Variants in SFXN5 observed in about 807,000 individuals in gnomAD.
The protein encoded by SFXN5 is sideroflexin 5.
Under a neutral mutation model 50.2 loss-of-function variants are expected in SFXN5, and 43 were observed. That is an observed-to-expected ratio of 0.86 (90% CI 0.67 to 1.11). The LOEUF (loss-of-function observed/expected upper bound fraction) is 1.11. SFXN5 is among the 50% of genes least tolerant of loss of function. SFXN5 has a pLI of 0.00. For missense variants in SFXN5, 463 were observed against 454.1 expected (o/e 1.02, Z -0.18); for synonymous variants, 203 against 185.8 (o/e 1.09, Z -0.75).
At chr2:73,024,131 C>A (rs901269379) in intron 3 of SFXN5, among the ~76,000 whole-genome samples, 3 of 151,478 alleles carry the variant, frequency 2.0e-5, no homozygotes, top group African/African-American at 7.3e-5. Context: ...TCAAGCGATT[C>A]TCCCGCCTCA....
At chr2:72,964,318 T>C (rs1674121920) in intron 12 of SFXN5, among the ~76,000 whole-genome samples, 1 of 152,270 alleles carries the variant, frequency 6.6e-6, no homozygotes, top group Admixed American at 6.5e-5. Context: ...GCTGCCTTCC[T>C]TGTCAGCCTC....
At chr2:72,971,506 T>TA in intron 11 of SFXN5, 64 bp downstream of exon 11, 1 of 1,233,358 alleles carries the variant, frequency 8.1e-7, no homozygotes, top group Admixed American at 1.8e-5. Context: ...AGACACACGC[T>TA]AAAGGAAAAC....
At chr2:72,962,371 T>C (rs1673850610) in intron 12 of SFXN5, among the ~76,000 whole-genome samples, 1 of 152,256 alleles carries the variant, frequency 6.6e-6, no homozygotes, top group South Asian at 2.1e-4. Context: ...CCCCATATAC[T>C]GTCACCTCTT....
At chr2:72,958,862 A>T (rs1309737191) in intron 13 of SFXN5, among the ~76,000 whole-genome samples, 1 of 152,086 alleles carries the variant, frequency 6.6e-6, no homozygotes, top group Non-Finnish European at 1.5e-5. Context: ...TGCTAGCTTT[A>T]ATCTTGGTGT....
chr2:72,985,865 C>T (rs1671856751), intron 10 of SFXN5, among the ~76,000 whole-genome samples: 1 of 152,190 alleles, frequency 6.6e-6, no homozygotes, highest in African/African-American at 2.4e-5. Flanking sequence ...AAAGCAGGGA[C>T]TCTCCTCCTG....
At position 73,058,562 on chromosome 2, in the gene SFXN5, T is replaced by C. The variant is rs777738319; in HGVS notation, c.137A>G (p.Asp46Gly). ...SFYGRFRHFLDIIDPRTLFVT... is the reference protein window; with the variant it reads ...SFYGRFRHFLGIIDPRTLFVT... Reference sequence around the variant, plus strand: ...AAAGAGTGTGCGAGGGTCGATGATATCCAAGAAGTGCCTGAAGCGGCCATA... The same window carrying C: ...AAAGAGTGTGCGAGGGTCGATGATACCCAAGAAGTGCCTGAAGCGGCCATA... The change falls in exon 2 of 14, where the codon GAT becomes GGT. Residue 46 changes from aspartate (D) to glycine (G), a missense_variant. Transcript: ENST00000272433. 3 of 1,614,080 alleles carry C rather than the reference T, an allele frequency of 1.9e-6. No homozygotes were observed. Among genetic ancestry groups the C allele is most frequent in the Admixed American group, 3.3e-5 (2 of 60,020 alleles).
chr2:73,036,272 G>A (rs147481252), intron 3 of SFXN5, among the ~76,000 whole-genome samples: 1 of 152,364 alleles, frequency 6.6e-6, no homozygotes, highest in Non-Finnish European at 1.5e-5. Flanking sequence ...AGAGGCCAGA[G>A]GAAGGTGTAG....
intron 10 of SFXN5, among the ~76,000 whole-genome samples, chr2:72,987,112 G>C (rs574292938): frequency 6.6e-6 from 1 of 151,908 alleles, no homozygotes; most frequent in African/African-American, 2.4e-5. Flanking sequence ...TGTTTTTTGG[G>C]GTTTTTTTTG....
chr2:73,026,126 C>CTTTTTTTTTTTTTTT (rs759334127), intron 3 of SFXN5, among the ~76,000 whole-genome samples: 6 of 133,754 alleles, frequency 4.5e-5, no homozygotes, highest in South Asian at 2.3e-4. Flanking sequence ...TGTGTGGCTG[C>CTTTTTTTTTTTTTTT]TTTTTTTTTT....
intron 8 of SFXN5, 82 bp downstream of exon 8, chr2:73,000,349 G>C: frequency 7.5e-7 from 1 of 1,329,120 alleles, no homozygotes. Context: ...AGCCACTGAT[G>C]GTGGCATGTC....
At position 72,973,846 on chromosome 2, in the gene SFXN5, G is replaced by T. The variant is rs148893176; in HGVS notation, c.626-2161C>A. On this transcript the variant is annotated intron_variant, in intron 10 of 13. Coordinates refer to ENST00000272433, the MANE Select transcript of SFXN5 (RefSeq NM_144579.3). The surrounding 1 kb of genome is among the most constrained non-coding windows in gnomAD (Gnocchi z 5.5). The stretch of plus-strand genomic sequence containing the variant: ...ATGCCCTTGGAGCTGCCAGGCTTTC[G>T]GTTCCCAGGAGACCTAAGAAAACCG... 7.2e-5 allele frequency among the ~76,000 whole-genome samples: 11 copies of T among 152,274 alleles called. No homozygotes were observed. Among genetic ancestry groups the T allele is most frequent in the African/African-American group, 2.6e-4 (11 of 41,550 alleles).
At chr2:73,020,089 G>A in intron 6 of SFXN5, 150 bp downstream of exon 6, 1 of 702,068 alleles carries the variant, frequency 1.4e-6, no homozygotes, top group Non-Finnish European at 2.3e-6. Flanking sequence ...GATGTGGTAA[G>A]AAATACATAT....
At chr2:72,986,034 C>T (rs551595659) in intron 10 of SFXN5, among the ~76,000 whole-genome samples, 16 of 152,362 alleles carry the variant, frequency 1.1e-4, no homozygotes, top group African/African-American at 3.8e-4. Flanking sequence ...CAGAGCGCTG[C>T]CCCTTCTCAG....
In SFXN5 at chr2:72,942,377, A is replaced by C. The variant is rs1209476842; in HGVS notation, c.*2645T>G. 6.6e-6 allele frequency: 1 copy of C among 152,324 alleles called. No individual in the cohort carries two copies. The highest frequency in any genetic ancestry group is 1.5e-5 in the Non-Finnish European group (1 of 68,106). The allele number at this position is 152,324 out of a possible 1,614,324, so 9.4% of individuals were successfully genotyped here. A position where few individuals can be genotyped will look rare whatever the true frequency, so the allele number is the denominator to read the frequency against. On this transcript the variant is annotated 3_prime_UTR_variant, in exon 14 of 14. Coordinates refer to ENST00000272433, the MANE Select transcript of SFXN5 (RefSeq NM_144579.3). Reference sequence around the variant, plus strand: ...CCCTCACACTGCTGTCTGGGAATGGAAGAAGGGCATCCCCAAGCCTGAGGG... The same window carrying C: ...CCCTCACACTGCTGTCTGGGAATGGCAGAAGGGCATCCCCAAGCCTGAGGG...
intron 1 of SFXN5, among the ~76,000 whole-genome samples, chr2:73,066,008 G>A (rs543371341): frequency 6.6e-6 from 1 of 152,348 alleles, no homozygotes; most frequent in South Asian, 2.1e-4. Context: ...AGAAAAGGAA[G>A]AGGAAAGGAA....
intron 6 of SFXN5, among the ~76,000 whole-genome samples, chr2:73,002,159 C>A (rs1363802420): frequency 6.6e-6 from 1 of 152,050 alleles, no homozygotes; most frequent in East Asian, 1.9e-4. Context: ...TTCCATGAAG[C>A]AAAAACCTAT....
At chr2:72,951,357 C>T (rs781402908) in intron 13 of SFXN5, among the ~76,000 whole-genome samples, 2 of 151,634 alleles carry the variant, frequency 1.3e-5, no homozygotes, top group Non-Finnish European at 2.9e-5. Flanking sequence ...CCAGCGTCTC[C>T]CCAGCCTCCC....
chr2:73,034,582 T>C (rs924522574), intron 3 of SFXN5, among the ~76,000 whole-genome samples: 2 of 152,046 alleles, frequency 1.3e-5, no homozygotes, highest in African/African-American at 4.8e-5. Flanking sequence ...GGGTGCAGGG[T>C]AGGCACTTAG....
chr2:73,061,707 T>C (rs1682821216), intron 1 of SFXN5, among the ~76,000 whole-genome samples: 2 of 152,198 alleles, frequency 1.3e-5, no homozygotes, highest in Non-Finnish European at 2.9e-5. Flanking sequence ...TGCCTCTGGG[T>C]AATAGGCTTA....
Sources: allele counts gnomAD v4.1 joint callset (sites outside exome capture counted in the v4.1 genomes callset), GRCh38; gene constraint gnomAD v4.1.1; non-coding constraint Gnocchi (gnomAD v3.1); transcripts MANE v1.5; gene names NCBI Gene and HGNC (gene_info 2026-07-23, HGNC 2026-07-21).